The following FGF14 variants were observed in gnomAD, a reference collection of about 807,000 sequenced individuals.
The protein encoded by FGF14 is fibroblast growth factor 14, also known as fibroblast growth factor homologous factor 4.
Under a neutral mutation model 25.5 loss-of-function variants are expected in FGF14, and 5 were observed. The ratio of observed to expected loss-of-function variants is 0.20; its 90% confidence interval spans 0.10 to 0.41. FGF14 has a LOEUF of 0.41. Ranked by LOEUF, FGF14 falls within the 10% of genes least tolerant of loss-of-function variation. The pLI is 1.00. For synonymous variants in FGF14, 138 were observed against 118.3 expected, an observed-to-expected ratio of 1.17 and a Z score of -1.08; for missense variants, 222 against 320.1, an observed-to-expected ratio of 0.69 and a Z score of 2.34.
intron 1 of FGF14, among the ~76,000 whole-genome samples, chr13:102,277,068 A>G (rs2053585541): frequency 6.6e-6 from 1 of 152,200 alleles, no homozygotes. Flanking sequence ...TTATCTGTTC[A>G]AATATTTTGT....
intron 1 of FGF14, among the ~76,000 whole-genome samples, chr13:102,157,651 G>C (rs1049042578): frequency 7.9e-5 from 12 of 152,132 alleles, no homozygotes; most frequent in African/African-American, 2.7e-4. Context: ...AGCCAAAATT[G>C]ACAAATGGGA....
intron 1 of FGF14, among the ~76,000 whole-genome samples, chr13:102,328,654 C>T (rs1403977553): frequency 6.6e-6 from 1 of 152,194 alleles, no homozygotes; most frequent in Admixed American, 6.5e-5. Flanking sequence ...TCGTGTGATA[C>T]ACGAAGGAGG....
chr13:102,167,927 C>T (rs1025339943), intron 1 of FGF14, among the ~76,000 whole-genome samples: 8 of 151,772 alleles, frequency 5.3e-5, no homozygotes, highest in African/African-American at 1.9e-4. Context: ...GCCAGGTATA[C>T]GCACACACAA....
Position 101,978,424 on chromosome 13 carries a change from G to A in FGF14, c.209-103128C>T, listed in dbSNP as rs58150255. Among the ~76,000 whole-genome samples the A allele has an allele frequency of 6.3e-3, 951 of 151,846 alleles. 5 individuals carry two copies. The highest frequency in any genetic ancestry group is 0.022 in the African/African-American group (898 of 41,550). The stretch of plus-strand genomic sequence containing the variant: ...CTGATTTTAATCATAACTGCATGGA[G>A]CCAGAAGGGTCACTAAATAGCATCC... On this transcript the variant is annotated intron_variant, in intron 1 of 4. Coordinates refer to the FGF14 transcript ENST00000376131.
intron 1 of FGF14, among the ~76,000 whole-genome samples, chr13:101,930,388 G>A (rs756543224): frequency 1.2e-4 from 19 of 152,096 alleles, no homozygotes; most frequent in Non-Finnish European, 2.5e-4. Flanking sequence ...CTTGGCTCCT[G>A]GGTAAACATA....
intron 1 of FGF14, among the ~76,000 whole-genome samples, chr13:101,977,294 C>T (rs2037985825): frequency 6.6e-6 from 1 of 152,078 alleles, no homozygotes; most frequent in African/African-American, 2.4e-5. Context: ...CTTATGAATA[C>T]ACCATATTTT....
intron 1 of FGF14, among the ~76,000 whole-genome samples, chr13:102,117,936 G>C (rs1414904037): frequency 6.6e-6 from 1 of 152,096 alleles, no homozygotes; most frequent in African/African-American, 2.4e-5. Flanking sequence ...ATAATTTTTT[G>C]TGTGAACCTT....
intron 1 of FGF14, among the ~76,000 whole-genome samples, chr13:102,226,513 A>T (rs917545854): frequency 2.6e-5 from 4 of 152,176 alleles, no homozygotes; most frequent in Admixed American, 6.6e-5. Context: ...TTGGAATGTA[A>T]TATTTTTGAG....
intron 1 of FGF14, among the ~76,000 whole-genome samples, chr13:102,315,530 A>C (rs947306177): frequency 1.3e-5 from 2 of 152,210 alleles, no homozygotes; most frequent in Non-Finnish European, 2.9e-5. Context: ...TGTATTTGGC[A>C]CAGTTTGGGT....
At chr13:102,390,994 TA>T (rs768289772) in intron 1 of FGF14, among the ~76,000 whole-genome samples, 1 of 152,162 alleles carries the variant, frequency 6.6e-6, no homozygotes, top group African/African-American at 2.4e-5. Context: ...TCATTTTGGG[TA>T]AATGTTTCAA....
intron 1 of FGF14, among the ~76,000 whole-genome samples, chr13:102,370,574 A>G (rs1458259525): frequency 6.6e-6 from 1 of 152,154 alleles, no homozygotes; most frequent in African/African-American, 2.4e-5. Flanking sequence ...AAAGTAAATG[A>G]TAACAATCAC....
intron 1 of FGF14, among the ~76,000 whole-genome samples, chr13:102,051,615 G>A (rs984683212): frequency 5.9e-5 from 9 of 152,200 alleles, no homozygotes; most frequent in Non-Finnish European, 1.2e-4. Context: ...ATAGCACAGT[G>A]TTGGCTGCTG....
intron 1 of FGF14, among the ~76,000 whole-genome samples, chr13:101,913,360 C>G (rs1014852337): frequency 2.0e-5 from 3 of 152,158 alleles, no homozygotes; most frequent in Non-Finnish European, 1.5e-5. Context: ...TTGCAAATTT[C>G]TGTCCTTCAC....
In FGF14 at chr13:102,227,252, T is replaced by A. The variant is rs78760477; in HGVS notation, c.208+174219A>T. Among the ~76,000 whole-genome samples, 554 of 152,236 alleles carry A rather than the reference T, an allele frequency of 3.6e-3. 11 individuals are homozygous for A. The highest frequency in any genetic ancestry group is 8.7e-3 in the East Asian group (45 of 5,174). On this transcript the variant is annotated intron_variant, in intron 1 of 4. Transcript: ENST00000376131. The stretch of plus-strand genomic sequence containing the variant: ...TACATACTCTCTTGCTTCATGGAAT[T>A]TTTTTCTTGCTTTTTCTCAGTTTGG...
intron 1 of FGF14, among the ~76,000 whole-genome samples, chr13:102,323,907 A>G (rs2056328847): frequency 6.6e-6 from 1 of 151,782 alleles, no homozygotes; most frequent in Admixed American, 6.6e-5. Context: ...ACCACTGCTT[A>G]ACAGAATGTT....
At position 102,135,017 on chromosome 13, in the gene FGF14, CCACACACACACACA is replaced by C. The variant is rs71125050; in HGVS notation, c.209-259735_209-259722del. On this transcript the variant is annotated intron_variant, in intron 1 of 4. Transcript: ENST00000376131. Reference sequence around the variant, plus strand: ...TGGGTAACATAGGGAGACCCCGTGTCCACACACACACACACACACACACACACACACACACACAC... The same window carrying C: ...TGGGTAACATAGGGAGACCCCGTGTCCACACACACACACACACACACACAC... Among the ~76,000 whole-genome samples the C allele has an allele frequency of 2.8e-3, 394 of 142,658 alleles. 3 individuals carry two copies. The highest frequency in any genetic ancestry group is 8.9e-3 in the African/African-American group (339 of 38,202). The allele number at this position is 142,658 out of a possible 152,430, so 93.6% of individuals were successfully genotyped here.
rs371314899 is a variant in FGF14 at position 102,239,794 on chromosome 13, T to A, written c.208+161677A>T. 4.9e-4 allele frequency among the ~76,000 whole-genome samples: 75 copies of A among 152,270 alleles called. 2 individuals are homozygous for A. In the South Asian group the frequency reaches 0.013, roughly 27 times the overall value. ...TGATATTGTCTTAATTATTTCTGAT[T>A]CCCTCCTTCACAACAGGTCATCTTC... On this transcript the variant is annotated intron_variant, in intron 1 of 4. Transcript: ENST00000376131.
intron 1 of FGF14, among the ~76,000 whole-genome samples, chr13:102,317,511 T>C (rs1018694498): frequency 1.3e-5 from 2 of 152,270 alleles, no homozygotes; most frequent in Admixed American, 6.5e-5. Flanking sequence ...GTCTCTGTTA[T>C]AAATTATATC....
chr13:101,729,137 C>T (rs904151362), intron 3 of FGF14, among the ~76,000 whole-genome samples: 4 of 151,920 alleles, frequency 2.6e-5, no homozygotes, highest in Admixed American at 6.6e-5. Flanking sequence ...GAGCTGTGCC[C>T]GTGACTTCAC....
Sources: allele counts gnomAD v4.1 joint callset (sites outside exome capture counted in the v4.1 genomes callset), GRCh38; gene constraint gnomAD v4.1.1; transcripts MANE v1.5; gene names NCBI Gene and HGNC (gene_info 2026-07-23, HGNC 2026-07-21).